FBXO36: variants seen among roughly 807,000 people sequenced by gnomAD.
FBXO36 encodes the protein F-box protein 36.
Under a neutral mutation model 17.0 loss-of-function variants are expected in FBXO36, and 18 were observed. The ratio of observed to expected loss-of-function variants is 1.06; its 90% CI spans 0.73 to 1.57. The LOEUF (loss-of-function observed/expected upper bound fraction) is 1.57, where lower values mean the gene tolerates loss of function less well. Among genes scored for constraint, FBXO36 ranks in the 40% most tolerant of loss-of-function variants. The pLI is 0.00. For synonymous variants in FBXO36, 83 were observed against 85.3 expected (o/e 0.97, Z 0.15); for missense variants, 229 against 221.9 (o/e 1.03, Z -0.20).
At chr2:229,998,800 A>ATTTTTTT (rs1157314161) in intron 3 of FBXO36, among the ~76,000 whole-genome samples, 3 of 132,200 alleles carry the variant, frequency 2.3e-5, no homozygotes, top group African/African-American at 8.3e-5. Context: ...AAAAAACATA[A>ATTTTTTT]TTTTTTTTTT....
chr2:229,961,480 AT>A (rs2077120793), intron 1 of FBXO36, among the ~76,000 whole-genome samples: 1 of 152,008 alleles, frequency 6.6e-6, no homozygotes, highest in South Asian at 2.1e-4. Flanking sequence ...GGTTCAAGCG[AT>A]TCTCCTGCCT....
At chr2:229,928,314 T>A (rs2076922987) in intron 1 of FBXO36, among the ~76,000 whole-genome samples, 1 of 152,168 alleles carries the variant, frequency 6.6e-6, no homozygotes, top group African/African-American at 2.4e-5. Context: ...CCTACTTTTT[T>A]AAAAAAGTGT....
chr2:229,939,794 A>C (rs1398374868), intron 1 of FBXO36, among the ~76,000 whole-genome samples: 1 of 152,176 alleles, frequency 6.6e-6, no homozygotes, highest in African/African-American at 2.4e-5. Context: ...TATAGGAGCT[A>C]AGAACCGCCG....
At chr2:229,974,484 A>G (rs1276485231) in intron 1 of FBXO36, among the ~76,000 whole-genome samples, 1 of 152,202 alleles carries the variant, frequency 6.6e-6, no homozygotes, top group African/African-American at 2.4e-5. Flanking sequence ...ATTAGTTAGT[A>G]TAAGGAATGT....
chr2:229,963,450 T>C (rs909942108), intron 1 of FBXO36, among the ~76,000 whole-genome samples: 1 of 148,878 alleles, frequency 6.7e-6, no homozygotes, highest in African/African-American at 2.5e-5. Context: ...TTTTCTTTTT[T>C]TTTTTTTTTT....
At chr2:229,983,971 C>G (rs905335094) in intron 2 of FBXO36, among the ~76,000 whole-genome samples, 6 of 152,164 alleles carry the variant, frequency 3.9e-5, no homozygotes, top group African/African-American at 1.4e-4. Flanking sequence ...TTCTCTCCTC[C>G]AAGCTCCCTT....
At chr2:229,932,294 A>C (rs907389458) in intron 1 of FBXO36, among the ~76,000 whole-genome samples, 1 of 151,688 alleles carries the variant, frequency 6.6e-6, no homozygotes, top group African/African-American at 2.4e-5. Flanking sequence ...GCTGACGCGG[A>C]TGGATCACCT....
chr2:229,977,643 T>G (rs2077216349), intron 2 of FBXO36, among the ~76,000 whole-genome samples: 1 of 151,852 alleles, frequency 6.6e-6, no homozygotes, highest in African/African-American at 2.4e-5. Flanking sequence ...AGAGATGAGG[T>G]TTCACCATGT....
intron 2 of FBXO36, among the ~76,000 whole-genome samples, chr2:229,987,094 ACTGTAATCCCAG>A (rs1249523814): frequency 6.6e-6 from 1 of 151,308 alleles, no homozygotes; most frequent in African/African-American, 2.4e-5. Flanking sequence ...TTGGCGCACA[ACTGTAATCCCAG>A]CTACTTGGGA....
chr2:229,994,525 A>G (rs753091268), intron 2 of FBXO36, among the ~76,000 whole-genome samples: 4 of 152,186 alleles, frequency 2.6e-5, no homozygotes, highest in African/African-American at 4.8e-5. Context: ...AGAGAGCCCA[A>G]CTTCTAGGAT....
chr2:230,002,118 A>C (rs1347640006), intron 3 of FBXO36, among the ~76,000 whole-genome samples: 1 of 152,092 alleles, frequency 6.6e-6, no homozygotes, highest in Non-Finnish European at 1.5e-5. Context: ...GATTACAGGC[A>C]TGAGCCATTG....
intron 1 of FBXO36, among the ~76,000 whole-genome samples, chr2:229,925,019 C>T (rs1438566083): frequency 2.6e-5 from 4 of 152,060 alleles, no homozygotes; most frequent in Non-Finnish European, 5.9e-5. Flanking sequence ...CGTGAGCCAC[C>T]GCGCCCGGCC....
chr2:229,989,823 T>A (rs1280786580), intron 2 of FBXO36, among the ~76,000 whole-genome samples: 1 of 150,880 alleles, frequency 6.6e-6, no homozygotes, highest in Non-Finnish European at 1.5e-5. Flanking sequence ...TCCACCCGCC[T>A]CGGCCTCCCA....
At chr2:229,955,528 A>G (rs996130507) in intron 1 of FBXO36, among the ~76,000 whole-genome samples, 19 of 152,034 alleles carry the variant, frequency 1.2e-4, no homozygotes, top group Admixed American at 1.2e-3. Context: ...AAAAAAAAAA[A>G]AGAGAGAGAA....
Position 229,993,740 on chromosome 2 carries a change from A to C in FBXO36, c.206-3011A>C, listed in dbSNP as rs530998799. Among the ~76,000 whole-genome samples, 62 of 152,224 alleles carry C rather than the reference A, an allele frequency of 4.1e-4. 1 individual carries two copies. Among genetic ancestry groups the C allele is most frequent in the Non-Finnish European group, 6.2e-4 (42 of 68,022 alleles). On this transcript the variant is annotated intron_variant, in intron 2 of 3. Coordinates refer to ENST00000283946, the MANE Select transcript of FBXO36 (RefSeq NM_174899.5). ...CATCACATTTCATACCTAGCTGTACATGTCCTAAAACTTTTACACTTTATT... is the reference window on the plus strand; with the variant it reads ...CATCACATTTCATACCTAGCTGTACCTGTCCTAAAACTTTTACACTTTATT...
chr2:229,949,129 A>G (rs2077042296), intron 1 of FBXO36, among the ~76,000 whole-genome samples: 1 of 152,038 alleles, frequency 6.6e-6, no homozygotes, highest in African/African-American at 2.4e-5. Flanking sequence ...CACTGCGCCC[A>G]GCCTCAGGAT....
chr2:230,000,361 A>G (rs1484329516), intron 3 of FBXO36, among the ~76,000 whole-genome samples: 3 of 148,376 alleles, frequency 2.0e-5, no homozygotes, highest in Non-Finnish European at 4.5e-5. Context: ...GTCTCAAAAA[A>G]AAAAAAAAAA....
chr2:229,997,918 A>G (rs1228440649), intron 3 of FBXO36, among the ~76,000 whole-genome samples: 1 of 152,168 alleles, frequency 6.6e-6, no homozygotes, highest in African/African-American at 2.4e-5. Context: ...CTTCAACTCC[A>G]GAACCCCCAA....
At chr2:229,953,007 A>G (rs77408380) in intron 1 of FBXO36, among the ~76,000 whole-genome samples, 14,656 of 152,162 alleles carry the variant, frequency 0.096, 932 homozygotes, top group Non-Finnish European at 0.14. Context: ...TTCCCTGTTT[A>G]CTGTGTTCAT....
Sources: gnomAD v4.1 joint callset for allele counts (sites outside exome capture counted in the v4.1 genomes callset) on GRCh38, gnomAD v4.1.1 for gene constraint, MANE v1.5 for transcripts, NCBI Gene and HGNC (gene_info 2026-07-23, HGNC 2026-07-21) for gene names.